Variants in COL10A1 observed in about 807,000 individuals in gnomAD.
COL10A1 encodes the protein collagen alpha-1(X) chain.
A neutral mutation model predicts 18.2 loss-of-function variants in COL10A1; 10 were observed. That is an observed-to-expected ratio of 0.55 (90% CI 0.34 to 0.93). The LOEUF (loss-of-function observed/expected upper bound fraction) is 0.93, where lower values mean the gene tolerates loss of function less well. COL10A1 is among the 40% of genes least tolerant of loss of function. The probability of loss-of-function intolerance (pLI) is 0.02; values close to 1 mark genes in which losing one functional copy is unlikely to be tolerated. For synonymous variants in COL10A1, 330 were observed against 316.6 expected (o/e 1.04, Z -0.45); for missense variants, 897 against 853.5 (o/e 1.05, Z -0.64).
At chr6:116,178,387 C>G in the COL10A1 span, among the ~76,000 whole-genome samples, 1 of 152,106 alleles carries the variant, frequency 6.6e-6, no homozygotes, top group South Asian at 2.1e-4. Flanking sequence ...TTTCTTGATT[C>G]ATAAAGGCGA....
At chr6:116,147,109 C>A (rs563857079) in intron 1 of COL10A1, among the ~76,000 whole-genome samples, 236 of 151,194 alleles carry the variant, frequency 1.6e-3, no homozygotes, top group Non-Finnish European at 2.6e-3. Context: ...TAAAAAAAAA[C>A]TGCATATAAA....
intron 1 of COL10A1, among the ~76,000 whole-genome samples, chr6:116,138,446 A>G (rs1228590444): frequency 6.6e-6 from 1 of 152,228 alleles, no homozygotes; most frequent in Non-Finnish European, 1.5e-5. Context: ...ACCATCTCAA[A>G]TTGGTGAACA....
upstream of COL10A1, among the ~76,000 whole-genome samples, chr6:116,130,889 T>C (rs193064590): frequency 1.7e-3 from 263 of 152,236 alleles, no homozygotes; most frequent in Non-Finnish European, 3.0e-3. Flanking sequence ...AAAAAAAATA[T>C]AAGCCGTTTG....
intron 1 of COL10A1, among the ~76,000 whole-genome samples, chr6:116,143,857 G>A (rs1779825536): frequency 6.6e-6 from 1 of 152,142 alleles, no homozygotes; most frequent in Non-Finnish European, 1.5e-5. Flanking sequence ...CAAGTTTGTA[G>A]TAGTGTTTGG....
At chr6:116,167,869 A>G in the COL10A1 span, among the ~76,000 whole-genome samples, 2 of 152,168 alleles carry the variant, frequency 1.3e-5, no homozygotes, top group Non-Finnish European at 2.9e-5. Flanking sequence ...TGATTTTCTG[A>G]AAATTTTTTT....
chr6:116,157,915 A>G (rs943538447), intron 1 of COL10A1, among the ~76,000 whole-genome samples: 24 of 152,192 alleles, frequency 1.6e-4, no homozygotes, highest in Non-Finnish European at 3.4e-4. Context: ...CAGAAATAAA[A>G]TGTCTCAAAC....
chr6:116,167,304 C>T, the COL10A1 span, among the ~76,000 whole-genome samples: 5 of 150,866 alleles, frequency 3.3e-5, no homozygotes, highest in African/African-American at 7.3e-5. Flanking sequence ...CTTCCGCCTC[C>T]CAGGTTCCAG....
chr6:116,126,182 A>G (rs1460536316), upstream of COL10A1: 4 of 152,182 alleles, frequency 2.6e-5, no homozygotes, highest in Admixed American at 6.6e-5. Flanking sequence ...CCCTTACTAC[A>G]TGAGGTTACC....
chr6:116,130,587 C>T (rs536715014), upstream of COL10A1, among the ~76,000 whole-genome samples: 1 of 151,968 alleles, frequency 6.6e-6, no homozygotes, highest in Non-Finnish European at 1.5e-5. Context: ...TGTCTGGGTC[C>T]TAGGGATGCA....
At chr6:116,160,613 C>T (rs1376508846), upstream of COL10A1, among the ~76,000 whole-genome samples, 1 of 152,100 alleles carries the variant, frequency 6.6e-6, no homozygotes, top group Non-Finnish European at 1.5e-5. Flanking sequence ...CAGAAAAACT[C>T]TTTAGTTTAA....
At chr6:116,195,758 A>G in the COL10A1 span, among the ~76,000 whole-genome samples, 1 of 152,066 alleles carries the variant, frequency 6.6e-6, no homozygotes, top group African/African-American at 2.4e-5. Context: ...TAGATCAACA[A>G]TAGCAACTAG....
chr6:116,141,885 A>AACACACACACACACACACACACACACAC (rs3051942), intron 1 of COL10A1, among the ~76,000 whole-genome samples: 2 of 140,330 alleles, frequency 1.4e-5, no homozygotes, highest in African/African-American at 5.4e-5. Flanking sequence ...CCAAAAAGAA[A>AACACACACACACACACACACACACACAC]ACACACACAC....
upstream of COL10A1, among the ~76,000 whole-genome samples, chr6:116,127,852 A>G (rs1047992257): frequency 1.6e-4 from 24 of 152,184 alleles, no homozygotes; most frequent in African/African-American, 5.1e-4. Flanking sequence ...ACATAGTGCT[A>G]TGCCCCTGTG....
rs73772270 is a variant in COL10A1 at position 116,137,123 on chromosome 6, G to T, written c.-15-11616C>A. 350 of 212,562 alleles carry T rather than the reference G, an allele frequency of 1.6e-3. 2 individuals carry two copies. Among genetic ancestry groups the T allele is most frequent in the African/African-American group, 8.0e-3 (344 of 43,098 alleles). The allele number at this position is 212,562 out of a possible 1,614,324, so 13.2% of individuals were successfully genotyped here. On this transcript the variant is annotated intron_variant, in intron 1 of 1. Coordinates refer to the COL10A1 transcript ENST00000418500. ...TTTGCTTGATGAAATACCACAAATC[G>T]GTGGGGTCTCCTTTTCTGCAGTCTT...
intron 1 of COL10A1, among the ~76,000 whole-genome samples, chr6:116,138,362 C>G (rs1194090343): frequency 6.6e-6 from 1 of 152,190 alleles, no homozygotes; most frequent in Non-Finnish European, 1.5e-5. Context: ...CACTACTTAA[C>G]TAGGAACTAC....
chr6:116,161,736 T>A (rs1780336213), upstream of COL10A1, among the ~76,000 whole-genome samples: 1 of 152,218 alleles, frequency 6.6e-6, no homozygotes, highest in Admixed American at 6.5e-5. Flanking sequence ...ATATGAATTT[T>A]ATAATTGTTT....
chr6:116,128,957 A>C (rs1779393548), upstream of COL10A1, among the ~76,000 whole-genome samples: 1 of 152,114 alleles, frequency 6.6e-6, no homozygotes, highest in Non-Finnish European at 1.5e-5. Context: ...TAGTAGTGAG[A>C]ATAGTTACAA....
the COL10A1 span, among the ~76,000 whole-genome samples, chr6:116,213,861 G>C: frequency 6.6e-6 from 1 of 151,966 alleles, no homozygotes; most frequent in Non-Finnish European, 1.5e-5. Context: ...ATTCTTATTG[G>C]GGATTTTGTG....
At chr6:116,179,012 G>A in the COL10A1 span, among the ~76,000 whole-genome samples, 6 of 152,084 alleles carry the variant, frequency 3.9e-5, no homozygotes, top group Non-Finnish European at 5.9e-5. Flanking sequence ...TATACAAATG[G>A]TAATTTCTTG....
Sources: gnomAD v4.1 joint callset for allele counts (sites outside exome capture counted in the v4.1 genomes callset) on GRCh38, gnomAD v4.1.1 for gene constraint, MANE v1.5 for transcripts, NCBI Gene and HGNC (gene_info 2026-07-23, HGNC 2026-07-21) for gene names.